KSR2: variants seen among roughly 807,000 people sequenced by gnomAD.
KSR2 encodes kinase suppressor of ras 2.
A neutral mutation model predicts 107.8 loss-of-function variants in KSR2; 25 were observed. The ratio of observed to expected loss-of-function variants is 0.23; its 90% CI spans 0.17 to 0.32. The LOEUF (loss-of-function observed/expected upper bound fraction) is 0.32, where lower values mean the gene tolerates loss of function less well. Among genes scored for constraint, KSR2 ranks in the 10% least tolerant of loss-of-function variants. The probability of loss-of-function intolerance (pLI) is 1.00; values close to 1 mark genes in which losing one functional copy is unlikely to be tolerated. For synonymous variants in KSR2, 480 were observed against 507.0 expected (o/e 0.95, Z 0.71); for missense variants, 887 against 1,268.9 (o/e 0.70, Z 4.57).
intron 3 of KSR2, among the ~76,000 whole-genome samples, chr12:117,793,469 C>G (rs1890374611): frequency 6.9e-6 from 1 of 145,000 alleles, no homozygotes; most frequent in Non-Finnish European, 1.5e-5. Flanking sequence ...ACACATACAC[C>G]AACATGCACA....
At chr12:117,793,382 A>C (rs200949967) in intron 3 of KSR2, among the ~76,000 whole-genome samples, 12 of 141,194 alleles carry the variant, frequency 8.5e-5, no homozygotes, top group African/African-American at 3.2e-4. Context: ...CACACACACC[A>C]CTGTGCACCC....
rs1037341737 is a variant in KSR2, at chr12:117,842,402, TGAA to T, written c.472+13023_472+13025del. 2.6e-5 allele frequency among the ~76,000 whole-genome samples: 4 copies of T among 152,230 alleles called. No individual in the cohort carries two copies. Among genetic ancestry groups the T allele is most frequent in the South Asian group, 2.1e-4 (1 of 4,820 alleles). The stretch of plus-strand genomic sequence containing the variant: ...TGCAAAGGCCCTGGGGCAGGCGTTG[TGAA>T]GAAGAGAGGGTAGCTGGGTGCAATG... On this transcript the variant is annotated intron_variant, in intron 3 of 19. Transcript: ENST00000339824. This position sits in a 1 kb window ranked among gnomAD's most constrained non-coding sequence, Gnocchi z 4.2.
intron 1 of KSR2, among the ~76,000 whole-genome samples, chr12:117,933,051 A>G (rs926053126): frequency 6.6e-6 from 1 of 151,972 alleles, no homozygotes; most frequent in African/African-American, 2.4e-5. Flanking sequence ...GATCATGCAC[A>G]CCCAATCAGA....
At chr12:117,790,660 T>C (rs61937747) in intron 3 of KSR2, among the ~76,000 whole-genome samples, 14,287 of 152,260 alleles carry the variant, frequency 0.094, 1,265 homozygotes, top group African/African-American at 0.24. Context: ...GTAGCTATCT[T>C]ATTTTGGAAT....
chr12:117,645,954 A>G (rs1028679604), intron 5 of KSR2, among the ~76,000 whole-genome samples: 4 of 150,962 alleles, frequency 2.6e-5, no homozygotes, highest in Non-Finnish European at 4.4e-5. Flanking sequence ...TGGTTCCAGG[A>G]CACCCCACAT....
chr12:117,902,608 A>G (rs556651503), intron 1 of KSR2, among the ~76,000 whole-genome samples: 1 of 151,972 alleles, frequency 6.6e-6, no homozygotes, highest in Admixed American at 6.6e-5. Flanking sequence ...GTTCAGGGAT[A>G]GGGGAGGGAT....
At chr12:117,476,416 C>A in intron 17 of KSR2, 48 bp downstream of exon 17, 1 of 1,521,614 alleles carries the variant, frequency 6.6e-7, no homozygotes, top group Non-Finnish European at 8.9e-7. Context: ...GAGAAGTGCC[C>A]CTCTGCCCAG....
chr12:117,807,435 G>A (rs1417369404), intron 3 of KSR2, among the ~76,000 whole-genome samples: 5 of 152,212 alleles, frequency 3.3e-5, no homozygotes, highest in Non-Finnish European at 7.3e-5. Flanking sequence ...TCCACAATGT[G>A]TTAACAGGTT....
intron 5 of KSR2, among the ~76,000 whole-genome samples, chr12:117,604,094 G>A (rs919469283): frequency 3.3e-5 from 5 of 152,092 alleles, no homozygotes; most frequent in Admixed American, 1.3e-4. Context: ...ATCAAACACC[G>A]CCATTTTTTT....
intron 5 of KSR2, among the ~76,000 whole-genome samples, chr12:117,592,950 A>T (rs1464805299): frequency 6.6e-6 from 1 of 152,174 alleles, no homozygotes; most frequent in Non-Finnish European, 1.5e-5. Flanking sequence ...TTGAAAACTT[A>T]TCTTTCTTCC....
chr12:117,567,933 C>T lies in KSR2; in HGVS notation c.1326-9360G>A, dbSNP rs77544846. Reference sequence around the variant, plus strand: ...GAGCCAGTGCTTCTAGAAATGCCTCCGTATGCTCCAAGTACAGGATATCAA... The same window carrying T: ...GAGCCAGTGCTTCTAGAAATGCCTCTGTATGCTCCAAGTACAGGATATCAA... On this transcript the variant is annotated intron_variant, in intron 7 of 19. Coordinates refer to ENST00000339824, the MANE Select transcript of KSR2 (RefSeq NM_173598.6). Among the ~76,000 whole-genome samples, 45 of 151,702 alleles carry T rather than the reference C, an allele frequency of 3.0e-4. No individual in the cohort carries two copies. In the East Asian group the frequency reaches 6.4e-3, roughly 21 times the overall value.
rs534451057 is a variant in KSR2, at chr12:117,703,560, T to C, written c.987-35902A>G. Among the ~76,000 whole-genome samples, 3 of 152,280 alleles carry C rather than the reference T, an allele frequency of 2.0e-5. No individual in the cohort carries two copies. The South Asian group carries it at 6.2e-4, about 32-fold the overall frequency. On this transcript the variant is annotated intron_variant, in intron 4 of 19. Transcript: ENST00000339824. Reference sequence around the variant, plus strand: ...CCTAAACTTCATGACACTGATCTCCTGGTCACAATAAAAACAGCAAAGAAA... The same window carrying C: ...CCTAAACTTCATGACACTGATCTCCCGGTCACAATAAAAACAGCAAAGAAA...
chr12:117,656,986 A>ATATATAATAG (rs1884200548), intron 5 of KSR2, among the ~76,000 whole-genome samples: 1 of 28,876 alleles, frequency 3.5e-5, no homozygotes, highest in Non-Finnish European at 1.0e-4. Flanking sequence ...AATAGGATAT[A>ATATATAATAG]TATATATATA....
intron 1 of KSR2, among the ~76,000 whole-genome samples, chr12:117,880,917 GC>G (rs1306706230): frequency 6.6e-6 from 1 of 151,560 alleles, no homozygotes; most frequent in African/African-American, 2.4e-5. Context: ...TGATCTGCCT[GC>G]CTCGGCCTCC....
chr12:117,849,388 T>C (rs1892835060), intron 3 of KSR2, among the ~76,000 whole-genome samples: 2 of 152,188 alleles, frequency 1.3e-5, no homozygotes, highest in Admixed American at 6.5e-5. Flanking sequence ...TGGCATAGAA[T>C]AACCATGCAA....
At chr12:117,596,029 C>T in intron 5 of KSR2, among the ~76,000 whole-genome samples, 1 of 151,932 alleles carries the variant, frequency 6.6e-6, no homozygotes, top group East Asian at 1.9e-4. Flanking sequence ...CCTTTCCTTC[C>T]CTCCCTCCCT....
chr12:117,694,230 A>C (rs1051501546), intron 4 of KSR2, among the ~76,000 whole-genome samples: 3 of 152,112 alleles, frequency 2.0e-5, no homozygotes, highest in African/African-American at 7.2e-5. Context: ...AATAATCCCC[A>C]CAGGTCAAGG....
chr12:117,739,728 G>A (rs1444117819), intron 4 of KSR2, among the ~76,000 whole-genome samples: 1 of 152,132 alleles, frequency 6.6e-6, no homozygotes, highest in Non-Finnish European at 1.5e-5. Flanking sequence ...GAAGAAGAAA[G>A]ACTAGAAACA....
chr12:117,527,940 G>A (rs952804006), intron 12 of KSR2, among the ~76,000 whole-genome samples: 1 of 144,542 alleles, frequency 6.9e-6, no homozygotes, highest in African/African-American at 2.6e-5. Context: ...ATATTGAGCT[G>A]GAAGACACAA....
Sources: allele counts gnomAD v4.1 joint callset (sites outside exome capture counted in the v4.1 genomes callset), GRCh38; gene constraint gnomAD v4.1.1; non-coding constraint Gnocchi (gnomAD v3.1); transcripts MANE v1.5; gene names NCBI Gene and HGNC (gene_info 2026-07-23, HGNC 2026-07-21).